GLRB: variants seen among roughly 807,000 people sequenced by gnomAD.
GLRB encodes glycine receptor beta.
In GLRB, 33 loss-of-function variants were observed where a neutral mutation model predicts 54.2. That is an observed-to-expected ratio of 0.61 (90% CI 0.46 to 0.81). The LOEUF is 0.81. Among genes scored for constraint, GLRB ranks in the 40% least tolerant of loss-of-function variants. GLRB has a pLI of 0.00. For missense variants in GLRB, 572 were observed against 584.6 expected, an observed-to-expected ratio of 0.98 and a Z score of 0.22; for synonymous variants, 209 against 208.2, an observed-to-expected ratio of 1.00 and a Z score of -0.03.
At chr4:157,099,961 T>C (rs62330457) in intron 2 of GLRB, among the ~76,000 whole-genome samples, 1 of 152,132 alleles carries the variant, frequency 6.6e-6, no homozygotes, top group Non-Finnish European at 1.5e-5. Context: ...CAAAATGACT[T>C]TTCAAGTGTT....
intron 4 of GLRB, among the ~76,000 whole-genome samples, chr4:157,128,013 T>C (rs540246821): frequency 6.6e-6 from 1 of 151,916 alleles, no homozygotes; most frequent in South Asian, 2.1e-4. Context: ...CTGCTGGAGG[T>C]TTATCTGATT....
At chr4:157,083,366 C>A (rs1002527028) in intron 2 of GLRB, among the ~76,000 whole-genome samples, 1 of 150,522 alleles carries the variant, frequency 6.6e-6, no homozygotes, top group African/African-American at 2.5e-5. Context: ...ATAGAAGCTA[C>A]GGGGAGGGAT....
At chr4:157,115,424 A>G (rs1444338083) in intron 2 of GLRB, among the ~76,000 whole-genome samples, 2 of 151,796 alleles carry the variant, frequency 1.3e-5, no homozygotes, top group Non-Finnish European at 2.9e-5. Flanking sequence ...TTTCTTTGAT[A>G]TAATTCCTTT....
At chr4:157,128,193 T>C (rs1736084163) in intron 4 of GLRB, among the ~76,000 whole-genome samples, 1 of 151,880 alleles carries the variant, frequency 6.6e-6, no homozygotes, top group Non-Finnish European at 1.5e-5. Context: ...TATCTATATA[T>C]ATGTTTTTAG....
At chr4:157,119,924 A>T (rs1735743509) in intron 2 of GLRB, among the ~76,000 whole-genome samples, 1 of 151,880 alleles carries the variant, frequency 6.6e-6, no homozygotes, top group African/African-American at 2.4e-5. Context: ...CTATAAAGAC[A>T]CATGCACACA....
intron 2 of GLRB, among the ~76,000 whole-genome samples, chr4:157,088,476 A>T (rs982122426): frequency 2.0e-5 from 3 of 152,040 alleles, no homozygotes; most frequent in African/African-American, 7.2e-5. Flanking sequence ...TTTGGTTCCA[A>T]ATTCTTTTCC....
At chr4:157,159,820 T>G (rs1282035835) in intron 9 of GLRB, among the ~76,000 whole-genome samples, 1 of 152,206 alleles carries the variant, frequency 6.6e-6, no homozygotes, top group East Asian at 1.9e-4. Flanking sequence ...TCTGCCAGGC[T>G]TTGGTATCAG....
intron 8 of GLRB, among the ~76,000 whole-genome samples, chr4:157,146,251 G>A (rs1414370965): frequency 6.6e-6 from 1 of 151,870 alleles, no homozygotes; most frequent in African/African-American, 2.4e-5. Context: ...TGCTGACCCC[G>A]TGATCTGCCC....
At chr4:157,127,157 T>C (rs1485571276) in intron 4 of GLRB, among the ~76,000 whole-genome samples, 3 of 151,842 alleles carry the variant, frequency 2.0e-5, no homozygotes, top group Non-Finnish European at 4.4e-5. Context: ...TTATATATTT[T>C]TATATTTAGA....
At chr4:157,152,458 T>A (rs555011147) in intron 8 of GLRB, among the ~76,000 whole-genome samples, 1 of 152,278 alleles carries the variant, frequency 6.6e-6, no homozygotes, top group Admixed American at 6.5e-5. Flanking sequence ...AGGTCCAAAT[T>A]ATATTTTTAT....
In GLRB at chr4:157,143,825, A is replaced by C; in HGVS notation, c.770A>C (p.Glu257Ala). ...YKGTGYYTCV[E>A]VIFTLRRQVG... ...CTGAAAGGCTACTACACATGCGTGG[A>C]AGTCATCTTCACCCTGAGGAGGCAG... is the stretch of plus-strand genomic sequence containing the variant. The change falls in exon 8 of 10, where the codon GAA becomes GCA. Residue 257 changes from glutamate (E) to alanine (A), a missense_variant. Coordinates refer to ENST00000264428, the MANE Select transcript of GLRB (RefSeq NM_000824.5). 6.2e-7 allele frequency: 1 copy of C among 1,613,522 alleles called. No individual in the cohort carries two copies. Among genetic ancestry groups the C allele is most frequent in the Non-Finnish European group, 8.5e-7 (1 of 1,179,920 alleles).
At chr4:157,099,888 T>A (rs1734953738) in intron 2 of GLRB, among the ~76,000 whole-genome samples, 1 of 152,218 alleles carries the variant, frequency 6.6e-6, no homozygotes, top group Non-Finnish European at 1.5e-5. Context: ...CAGTGTAGTT[T>A]TAATTTGCAT....
intron 7 of GLRB, among the ~76,000 whole-genome samples, chr4:157,139,901 AAT>A (rs895446502): frequency 6.6e-6 from 1 of 151,982 alleles, no homozygotes; most frequent in African/African-American, 2.4e-5. Flanking sequence ...ATGCTGACAG[AAT>A]GAGCTAGAAT....
chr4:157,079,037 G>T (rs976602145), intron 2 of GLRB, among the ~76,000 whole-genome samples: 2 of 152,158 alleles, frequency 1.3e-5, no homozygotes, highest in Non-Finnish European at 2.9e-5. Flanking sequence ...GCATCCCAAA[G>T]TGCTGGGATT....
chr4:157,088,355 T>C (rs1734487431), intron 2 of GLRB, among the ~76,000 whole-genome samples: 1 of 152,184 alleles, frequency 6.6e-6, no homozygotes, highest in African/African-American at 2.4e-5. Flanking sequence ...TCTACTTGTA[T>C]GTGTCTGGAA....
intron 2 of GLRB, among the ~76,000 whole-genome samples, chr4:157,083,299 G>T (rs1214468559): frequency 6.6e-6 from 1 of 152,042 alleles, no homozygotes; most frequent in East Asian, 1.9e-4. Context: ...AACTGTGATG[G>T]TGATGAGAAA....
chr4:157,122,288 T>C, intron 3 of GLRB, 42 bp from the exon 4 acceptor site: 1 of 814,972 alleles, frequency 1.2e-6, no homozygotes, highest in South Asian at 1.7e-5. Flanking sequence ...TCTGACCAAG[T>C]TTTTTACAGC....
chr4:157,164,051 G>C (rs1737620812), intron 9 of GLRB, among the ~76,000 whole-genome samples: 1 of 151,964 alleles, frequency 6.6e-6, no homozygotes, highest in Admixed American at 6.6e-5. Flanking sequence ...TTTCATTGTT[G>C]TTGCTGTTCT....
At chr4:157,153,236 T>G (rs1222542273) in intron 9 of GLRB, among the ~76,000 whole-genome samples, 9 of 152,182 alleles carry the variant, frequency 5.9e-5, no homozygotes, top group Non-Finnish European at 1.3e-4. Flanking sequence ...AGTAATGCCT[T>G]ATTAAATTTT....
Sources: allele counts gnomAD v4.1 joint callset (sites outside exome capture counted in the v4.1 genomes callset), GRCh38; gene constraint gnomAD v4.1.1; transcripts MANE v1.5; gene names NCBI Gene and HGNC (gene_info 2026-07-23, HGNC 2026-07-21).